MRPS27: variants seen among roughly 807,000 people sequenced by gnomAD.
The protein encoded by MRPS27 is mitochondrial ribosomal protein S27.
A neutral mutation model predicts 48.9 loss-of-function variants in MRPS27; 43 were observed. The observed-to-expected ratio is 0.88, with a 90% CI of 0.69 to 1.13. MRPS27 has a LOEUF of 1.13. Among genes scored for constraint, MRPS27 ranks in the 50% most tolerant of loss-of-function variants. The pLI, the probability that MRPS27 is intolerant of heterozygous loss-of-function variation, is 0.00. For synonymous variants in MRPS27, 188 were observed against 171.9 expected (o/e 1.09, Z -0.73); for missense variants, 467 against 476.3 (o/e 0.98, Z 0.18).
intron 4 of MRPS27, among the ~76,000 whole-genome samples, chr5:72,281,892 C>T (rs1263222350): frequency 6.6e-6 from 1 of 152,168 alleles, no homozygotes; most frequent in African/African-American, 2.4e-5. Flanking sequence ...TTGGTAGTGT[C>T]CATCACTGAA....
chr5:72,310,446 A>G lies in MRPS27; in HGVS notation c.151+3635T>C, dbSNP rs187614020. Among the ~76,000 whole-genome samples, 59 of 152,360 alleles carry G rather than the reference A, an allele frequency of 3.9e-4. 1 individual carries two copies. The highest frequency in any genetic ancestry group is 2.4e-4 in the Non-Finnish European group (16 of 68,028). ...TGGAAGCCAGCTTGAAAGGGCTTCT[A>G]TCAGCCAAGTCTGGGATATTTAGAC... On this transcript the variant is annotated intron_variant, in intron 2 of 10. Coordinates refer to ENST00000261413, the MANE Select transcript of MRPS27 (RefSeq NM_015084.3).
chr5:72,253,751 T>G (rs1320391270), intron 4 of MRPS27, among the ~76,000 whole-genome samples: 1 of 152,222 alleles, frequency 6.6e-6, no homozygotes, highest in East Asian at 1.9e-4. Flanking sequence ...TGTATATGGA[T>G]GGTGTGCTCA....
At chr5:72,271,514 C>G (rs1293543016) in intron 4 of MRPS27, among the ~76,000 whole-genome samples, 2 of 152,116 alleles carry the variant, frequency 1.3e-5, no homozygotes, top group African/African-American at 4.8e-5. Context: ...AAGAAACACT[C>G]ACAAATGGCC....
intron 4 of MRPS27, among the ~76,000 whole-genome samples, chr5:72,240,330 A>C (rs1265477104): frequency 1.3e-5 from 2 of 152,188 alleles, no homozygotes; most frequent in East Asian, 3.8e-4. Context: ...CTAAAGACAA[A>C]AGGGATTGCT....
intron 4 of MRPS27, among the ~76,000 whole-genome samples, chr5:72,265,534 T>G (rs185476778): frequency 1.3e-5 from 2 of 152,332 alleles, no homozygotes; most frequent in East Asian, 3.9e-4. Flanking sequence ...TAGGCTGGAA[T>G]CAAATTATAT....
At chr5:72,309,938 A>T (rs541762926) in intron 2 of MRPS27, among the ~76,000 whole-genome samples, 56 of 152,318 alleles carry the variant, frequency 3.7e-4, no homozygotes, top group African/African-American at 1.3e-3. Context: ...ACTGGCACTT[A>T]ATGGACAGAA....
At chr5:72,316,906 G>A (rs180716087) in intron 1 of MRPS27, among the ~76,000 whole-genome samples, 2 of 151,778 alleles carry the variant, frequency 1.3e-5, no homozygotes, top group East Asian at 3.9e-4. Context: ...GTGCATGCCT[G>A]TAATCCCAGG....
In MRPS27 at chr5:72,237,960, C is replaced by T. The variant is rs1220233338; in HGVS notation, c.396+54G>A. 5.4e-5 allele frequency: 69 copies of T among 1,283,138 alleles called. 1 individual carries two copies. The highest frequency in any genetic ancestry group is 3.7e-4 in the Middle Eastern group (2 of 5,414). The allele number at this position is 1,283,138 out of a possible 1,614,324, so 79.5% of individuals were successfully genotyped here. A position where few individuals can be genotyped will look rare whatever the true frequency, so the allele number is the denominator to read the frequency against. ...TTTGCTGTACTACAATAGGTACAAA[C>T]ACCATATCACCTAAACTCAGGAAAA... is the stretch of plus-strand genomic sequence containing the variant. On this transcript the variant is annotated intron_variant, in intron 5 of 10. Transcript: ENST00000261413.
intron 9 of MRPS27, 41 bp from the exon 10 acceptor site, chr5:72,223,891 G>C: frequency 6.3e-7 from 1 of 1,596,332 alleles, no homozygotes; most frequent in Middle Eastern, 1.7e-4. Context: ...ATGTTTTATG[G>C]CCCAAAAGCA....
intron 4 of MRPS27, among the ~76,000 whole-genome samples, chr5:72,265,806 G>A (rs1236444640): frequency 2.0e-5 from 3 of 152,180 alleles, no homozygotes; most frequent in African/African-American, 7.2e-5. Flanking sequence ...AATGTTGACT[G>A]TCTTAATTGA....
At chr5:72,264,431 G>A (rs1169046860) in intron 4 of MRPS27, among the ~76,000 whole-genome samples, 1 of 151,848 alleles carries the variant, frequency 6.6e-6, no homozygotes, top group Non-Finnish European at 1.5e-5. Context: ...AAAAGAGAGA[G>A]AGACTTACAA....
intron 4 of MRPS27, among the ~76,000 whole-genome samples, chr5:72,264,732 G>A (rs909400432): frequency 6.6e-6 from 1 of 152,188 alleles, no homozygotes; most frequent in Middle Eastern, 3.2e-3. Context: ...CAGAAACTAA[G>A]AGGAAGACAT....
intron 4 of MRPS27, among the ~76,000 whole-genome samples, chr5:72,251,533 C>T (rs992886364): frequency 2.6e-5 from 4 of 152,166 alleles, no homozygotes; most frequent in Non-Finnish European, 5.9e-5. Context: ...TGTTATAATA[C>T]AATGGGGATT....
At chr5:72,258,569 G>C (rs1235247706) in intron 4 of MRPS27, among the ~76,000 whole-genome samples, 1 of 152,060 alleles carries the variant, frequency 6.6e-6, no homozygotes, top group African/African-American at 2.4e-5. Flanking sequence ...CCTCATGAAC[G>C]GACTAATGCC....
chr5:72,273,730 A>G (rs563228691), intron 4 of MRPS27, among the ~76,000 whole-genome samples: 1 of 152,336 alleles, frequency 6.6e-6, no homozygotes, highest in East Asian at 1.9e-4. Context: ...CACTACAAGT[A>G]GCTCTGGGTG....
In MRPS27 at chr5:72,260,858, CATTA is replaced by C. The variant is rs201282244; in HGVS notation, c.282-22734_282-22731del. ...CTACAGTAATTAACTAAATCATTTA[CATTA>C]ATTAATTAATTAATTGTTTTTGAGA... On this transcript the variant is annotated intron_variant, in intron 4 of 10. Coordinates refer to ENST00000261413, the MANE Select transcript of MRPS27 (RefSeq NM_015084.3). Among the ~76,000 whole-genome samples the C allele has an allele frequency of 6.8e-3, 1,029 of 152,198 alleles. 9 individuals carry two copies. Among genetic ancestry groups the C allele is most frequent in the African/African-American group, 0.021 (866 of 41,528 alleles).
intron 4 of MRPS27, among the ~76,000 whole-genome samples, chr5:72,263,541 T>C (rs1014975337): frequency 6.7e-6 from 1 of 149,698 alleles, no homozygotes; most frequent in Non-Finnish European, 1.5e-5. Context: ...ATGCAGAATA[T>C]ATAAGGAACT....
chr5:72,253,753 G>C (rs1034949955), intron 4 of MRPS27, among the ~76,000 whole-genome samples: 2 of 152,142 alleles, frequency 1.3e-5, no homozygotes, highest in Non-Finnish European at 2.9e-5. Context: ...TATATGGATG[G>C]TGTGCTCAGT....
intron 4 of MRPS27, among the ~76,000 whole-genome samples, chr5:72,275,867 A>C (rs1485648626): frequency 2.6e-5 from 4 of 151,832 alleles, no homozygotes; most frequent in African/African-American, 9.7e-5. Context: ...AAGTGGAGGG[A>C]AAGGGGAAGG....
Sources: allele counts gnomAD v4.1 joint callset (sites outside exome capture counted in the v4.1 genomes callset), GRCh38; gene constraint gnomAD v4.1.1; transcripts MANE v1.5; gene names NCBI Gene and HGNC (gene_info 2026-07-23, HGNC 2026-07-21).